CCDC32: variants seen among roughly 807,000 people sequenced by gnomAD.
The protein encoded by CCDC32 is coiled-coil domain-containing protein 32.
Under a neutral mutation model 20.1 loss-of-function variants are expected in CCDC32, and 9 were observed. The observed-to-expected ratio is 0.45, with a 90% CI of 0.27 to 0.78. The LOEUF is 0.78. Ranked by LOEUF, CCDC32 falls within the 30% of genes least tolerant of loss-of-function variation. The pLI, the probability that CCDC32 is intolerant of heterozygous loss-of-function variation, is 0.16. For synonymous variants in CCDC32, 63 were observed against 79.0 expected, an observed-to-expected ratio of 0.80 and a Z score of 1.07; for missense variants, 204 against 215.5, an observed-to-expected ratio of 0.95 and a Z score of 0.33.
chr15:40,549,492 C>T (rs751255455), downstream of CCDC32, among the ~76,000 whole-genome samples: 1 of 152,196 alleles, frequency 6.6e-6, no homozygotes, highest in African/African-American at 2.4e-5. Flanking sequence ...TACCCCACTC[C>T]AACTGGTCTA....
At chr15:40,564,804 G>T (rs1373312107) in intron 1 of CCDC32, 172 bp downstream of exon 1, 2 of 1,614,040 alleles carry the variant, frequency 1.2e-6, no homozygotes, top group Non-Finnish European at 1.7e-6. Context: ...AGGGCAGGGC[G>T]TCCAGAACCA....
chr15:40,529,419 G>A (rs1370239127), intron 3 of CCDC32, among the ~76,000 whole-genome samples: 5 of 152,150 alleles, frequency 3.3e-5, no homozygotes, highest in South Asian at 2.1e-4. Flanking sequence ...TAGGAAATGC[G>A]TTTATATGCA....
In CCDC32 at chr15:40,565,041, G is replaced by A. The variant is rs3803353; in HGVS notation, c.-78C>T. The A allele has an allele frequency of 0.3, 163,833 of 552,458 alleles. 27,184 individuals are homozygous for A. The highest frequency in any genetic ancestry group is 0.36 in the South Asian group (14,404 of 39,774). The allele number at this position is 552,458 out of a possible 1,614,324, so 34.2% of individuals were successfully genotyped here. ...CCTGTAGCCCGGAGGAAATCGGGAG[G>A]GGCGGAGTCCCCTAGTGACGGAGCC... On this transcript the variant is annotated 5_prime_UTR_variant, in exon 1 of 4. Transcript: ENST00000416810.
At chr15:40,535,614 A>C, downstream of CCDC32, 2 of 980,816 alleles carry the variant, frequency 2.0e-6, no homozygotes, top group Non-Finnish European at 2.4e-6. Flanking sequence ...CACAACCAAA[A>C]AAAAAAAAGA....
intron 3 of CCDC32, 183 bp downstream of exon 3, chr15:40,557,033 C>A (rs1890287736): frequency 3.5e-6 from 2 of 577,452 alleles, no homozygotes; most frequent in Non-Finnish European, 5.7e-6. Flanking sequence ...AAGTTCATTG[C>A]ATACTTAAAA....
intron 3 of CCDC32, among the ~76,000 whole-genome samples, chr15:40,543,127 G>A (rs1321844432): frequency 6.7e-6 from 1 of 149,592 alleles, no homozygotes; most frequent in Admixed American, 6.7e-5. Flanking sequence ...GGGTGACAGA[G>A]CCAGACTCTG....
downstream of CCDC32, among the ~76,000 whole-genome samples, chr15:40,550,611 A>G (rs1251207713): frequency 6.6e-6 from 1 of 152,228 alleles, no homozygotes; most frequent in Non-Finnish European, 1.5e-5. Flanking sequence ...TTTGGGAGCT[A>G]GTGTCAAATT....
chr15:40,544,730 G>A lies in CCDC32; in HGVS notation c.402-5375C>T, dbSNP rs545020409. On this transcript the variant is annotated intron_variant, in intron 3 of 3. Transcript: ENST00000558113. ...CTTAGACTAGAATTGAGTCCGGCTTGGATTTTTTTTTTTCAACAGCCTTGG... is the reference window on the plus strand; with the variant it reads ...CTTAGACTAGAATTGAGTCCGGCTTAGATTTTTTTTTTTCAACAGCCTTGG... Among the ~76,000 whole-genome samples the A allele has an allele frequency of 4.6e-5, 5 of 109,288 alleles. No homozygotes were observed. In the South Asian group the frequency reaches 9.1e-4, roughly 20 times the overall value. 71.7% of individuals were successfully genotyped at this position (109,288 alleles called of 152,430 possible).
intron 2 of CCDC32, among the ~76,000 whole-genome samples, chr15:40,558,979 T>A (rs1395995386): frequency 1.3e-5 from 2 of 151,994 alleles, no homozygotes; most frequent in Non-Finnish European, 2.9e-5. Context: ...AATTTTTGTA[T>A]TTTTAGTAGA....
chr15:40,535,801 TGCACA>T, downstream of CCDC32: 1 of 308,360 alleles, frequency 3.2e-6, no homozygotes, highest in Non-Finnish European at 4.7e-6. Context: ...TGAAATGCTC[TGCACA>T]CACTAGTGAG....
chr15:40,533,340 C>A (rs1468169000), downstream of CCDC32, among the ~76,000 whole-genome samples: 7 of 152,088 alleles, frequency 4.6e-5, no homozygotes, highest in Non-Finnish European at 1.0e-4. Flanking sequence ...AATTGTCCTG[C>A]ATTATTATTA....
At chr15:40,556,278 A>G (rs1313497811) in intron 3 of CCDC32, among the ~76,000 whole-genome samples, 1 of 152,222 alleles carries the variant, frequency 6.6e-6, no homozygotes, top group Non-Finnish European at 1.5e-5. Context: ...GAGGGAGCTC[A>G]GTGGCCTCTC....
chr15:40,539,859 C>CACACACACACACACAT (rs1280201574), intron 3 of CCDC32, among the ~76,000 whole-genome samples: 1 of 151,450 alleles, frequency 6.6e-6, no homozygotes, highest in East Asian at 2.0e-4. Flanking sequence ...CACACACACA[C>CACACACACACACACAT]ACACACACAC....
chr15:40,539,840 C>CCCCACACACACACACACACACA (rs1338607302), intron 3 of CCDC32, among the ~76,000 whole-genome samples: 1 of 134,542 alleles, frequency 7.4e-6, no homozygotes, highest in Admixed American at 8.0e-5. Flanking sequence ...CAAACTGTTG[C>CCCCACACACACACACACACACA]CACACACACA....
the CCDC32 span, among the ~76,000 whole-genome samples, chr15:40,521,879 T>C: frequency 3.3e-5 from 5 of 152,330 alleles, no homozygotes; most frequent in Admixed American, 3.3e-4. Context: ...AGATATCTGA[T>C]TTGCAGATAT....
chr15:40,552,730 T>C (rs1889944695), downstream of CCDC32: 1 of 120,804 alleles, frequency 8.3e-6, no homozygotes, highest in South Asian at 2.7e-4. Flanking sequence ...AACTATATGA[T>C]TGTACCATTG....
At chr15:40,564,349 A>G (rs899400890) in intron 1 of CCDC32, among the ~76,000 whole-genome samples, 1 of 152,198 alleles carries the variant, frequency 6.6e-6, no homozygotes, top group Admixed American at 6.5e-5. Context: ...TCAGAAGGGT[A>G]ACTTGCTCTA....
Position 40,553,964 on chromosome 15 carries a change from G to A in CCDC32, c.*7C>T, listed in dbSNP as rs370901547. ...TGTGTGTGTGTGTGTGTGTGTGTGT[G>A]TGTAATTTACTGTTCTGCTGCTGCT... On this transcript the variant is annotated 3_prime_UTR_variant, in exon 4 of 4. Coordinates refer to ENST00000416810, the MANE Select transcript of CCDC32 (RefSeq NM_001080792.4). 7.5e-6 allele frequency: 11 copies of A among 1,468,640 alleles called. No individual in the cohort carries two copies. In the South Asian group the frequency reaches 1.0e-4, roughly 14 times the overall value. The allele number at this position is 1,468,640 out of a possible 1,614,324, so 91.0% of individuals were successfully genotyped here. A position where few individuals can be genotyped will look rare whatever the true frequency, so the allele number is the denominator to read the frequency against.
At position 40,543,152 on chromosome 15, in the gene CCDC32, C is replaced by A. The variant is rs940549341; in HGVS notation, c.402-3797G>T. ...GCCAGACTCTGTCTAAAAAAAAAAA[C>A]AAAATGGAAAAGAAAGAGAAAAAAG... On this transcript the variant is annotated intron_variant, in intron 3 of 3. Transcript: ENST00000558113. Among the ~76,000 whole-genome samples, 233 of 144,014 alleles carry A rather than the reference C, an allele frequency of 1.6e-3. 3 individuals are homozygous for A. The East Asian group carries it at 0.038, about 24-fold the overall frequency. 94.5% of individuals were successfully genotyped at this position (144,014 alleles called of 152,430 possible).
Sources: allele counts gnomAD v4.1 joint callset (sites outside exome capture counted in the v4.1 genomes callset), GRCh38; gene constraint gnomAD v4.1.1; transcripts MANE v1.5; gene names NCBI Gene and HGNC (gene_info 2026-07-23, HGNC 2026-07-21).